The following SOX6 variants were observed in gnomAD, a reference collection of about 807,000 sequenced individuals.
The protein encoded by SOX6 is SRY-box transcription factor 6.
SOX6 carries 11 observed loss-of-function variants against 97.8 expected under a neutral mutation model. The observed-to-expected ratio is 0.11, with a 90% CI of 0.07 to 0.19. SOX6 has a LOEUF of 0.19. Among genes scored for constraint, SOX6 ranks in the 10% least tolerant of loss-of-function variants. The probability of loss-of-function intolerance (pLI) is 1.00; values close to 1 mark genes in which losing one functional copy is unlikely to be tolerated. For missense variants in SOX6, 810 were observed against 1,039.5 expected, an observed-to-expected ratio of 0.78 and a Z score of 3.04; for synonymous variants, 360 against 371.4, an observed-to-expected ratio of 0.97 and a Z score of 0.35.
intron 3 of SOX6, among the ~76,000 whole-genome samples, chr11:16,290,338 A>G (rs534773687): frequency 1.3e-5 from 2 of 152,202 alleles, no homozygotes; most frequent in African/African-American, 4.8e-5. Context: ...TGACACTTTT[A>G]ATAGTAATAT....
intron 3 of SOX6, among the ~76,000 whole-genome samples, chr11:16,251,537 A>C (rs571436608): frequency 1.2e-4 from 18 of 152,300 alleles, no homozygotes; most frequent in Admixed American, 9.2e-4. Context: ...CCTGCAAAAT[A>C]TACATATCAA....
chr11:16,529,902 T>C (rs868639886), intron 4 of SOX6, among the ~76,000 whole-genome samples: 22 of 151,794 alleles, frequency 1.4e-4, no homozygotes, highest in African/African-American at 4.8e-4. Flanking sequence ...TTATGACCTA[T>C]TATTATTATT....
At chr11:16,379,785 C>G (rs1857755761) in intron 1 of SOX6, among the ~76,000 whole-genome samples, 1 of 151,816 alleles carries the variant, frequency 6.6e-6, no homozygotes, top group South Asian at 2.1e-4. Context: ...AAAGATTTAG[C>G]TACAGATGAG....
At chr11:16,550,968 A>G (rs1045953884) in intron 4 of SOX6, among the ~76,000 whole-genome samples, 9 of 152,198 alleles carry the variant, frequency 5.9e-5, no homozygotes, top group African/African-American at 2.2e-4. Context: ...CTGTAATTCC[A>G]GCACTTTGGG....
intron 7 of SOX6, among the ~76,000 whole-genome samples, chr11:16,109,646 TTCTGAGGATGTAATTTCTCTAC>T (rs1312061702): frequency 6.6e-6 from 1 of 152,318 alleles, no homozygotes; most frequent in African/African-American, 2.4e-5. Context: ...TGATTAAGTC[TTCTGAGGATGTAATTTCTCTAC>T]TAATAGCGTA....
chr11:16,108,039 C>A (rs931450197), intron 7 of SOX6, among the ~76,000 whole-genome samples: 4 of 152,208 alleles, frequency 2.6e-5, no homozygotes, highest in African/African-American at 4.8e-5. Context: ...TTAATTTTCA[C>A]GTCCACGTTG....
At position 16,201,973 on chromosome 11, in the gene SOX6, T is replaced by A. The variant is rs1286946854; in HGVS notation, c.536-15018A>T. Among the ~76,000 whole-genome samples, 5 of 152,128 alleles carry A rather than the reference T, an allele frequency of 3.3e-5. No individual in the cohort carries two copies. In the South Asian group the frequency reaches 1.0e-3, roughly 32 times the overall value. The stretch of plus-strand genomic sequence containing the variant: ...AGAGAGATTTTTAATTTAAAATTCA[T>A]AGAAATAATAAATTTATTTTTCATG... On this transcript the variant is annotated intron_variant, in intron 4 of 15. Transcript: ENST00000683767.
intron 7 of SOX6, among the ~76,000 whole-genome samples, chr11:16,109,481 C>A (rs759690032): frequency 6.6e-6 from 1 of 152,106 alleles, no homozygotes; most frequent in African/African-American, 2.4e-5. Flanking sequence ...GGATTACAGG[C>A]ATGAGCCACC....
Position 16,330,489 on chromosome 11 carries a change from G to A in SOX6, c.237+10523C>T, listed in dbSNP as rs116228030. Among the ~76,000 whole-genome samples, 1,415 of 152,220 alleles carry A rather than the reference G, an allele frequency of 9.3e-3. 24 individuals carry two copies. The highest frequency in any genetic ancestry group is 0.032 in the African/African-American group (1,317 of 41,510). The stretch of plus-strand genomic sequence containing the variant: ...GGAGAATCACTTGAACCCAGAAGGC[G>A]GAGGTTCCAGTGAGTCGATATCAAG... On this transcript the variant is annotated intron_variant, in intron 2 of 15. Transcript: ENST00000683767.
intron 4 of SOX6, among the ~76,000 whole-genome samples, chr11:16,542,979 T>C (rs1861430589): frequency 1.3e-5 from 2 of 151,952 alleles, no homozygotes; most frequent in African/African-American, 4.8e-5. Flanking sequence ...TGGTACTTTA[T>C]TTCCAAATCA....
intron 4 of SOX6, among the ~76,000 whole-genome samples, chr11:16,230,868 C>A (rs1157234753): frequency 6.6e-6 from 1 of 151,346 alleles, no homozygotes; most frequent in African/African-American, 2.4e-5. Context: ...TGGAATAGAA[C>A]CAAAATCTGA....
chr11:16,655,112 C>T (rs185069886), intron 3 of SOX6, among the ~76,000 whole-genome samples: 3 of 152,238 alleles, frequency 2.0e-5, no homozygotes, highest in Non-Finnish European at 4.4e-5. Flanking sequence ...CACCCAAAAC[C>T]TCATGGGGAC....
At chr11:16,253,183 A>G (rs1853569253) in intron 3 of SOX6, among the ~76,000 whole-genome samples, 1 of 152,112 alleles carries the variant, frequency 6.6e-6, no homozygotes, top group South Asian at 2.1e-4. Context: ...ACCTGTCTCT[A>G]CTAAATATAC....
intron 3 of SOX6, among the ~76,000 whole-genome samples, chr11:16,249,440 C>T (rs1853442657): frequency 6.6e-6 from 1 of 152,232 alleles, no homozygotes. Flanking sequence ...TCAGCCTGGA[C>T]TTCATTGTCC....
At chr11:16,141,334 C>T (rs953704695) in intron 6 of SOX6, among the ~76,000 whole-genome samples, 3 of 152,084 alleles carry the variant, frequency 2.0e-5, no homozygotes, top group African/African-American at 7.2e-5. Flanking sequence ...GACAAGTTCC[C>T]AGCCCTGACT....
intron 4 of SOX6, among the ~76,000 whole-genome samples, chr11:16,595,235 A>C (rs532164036): frequency 6.6e-6 from 1 of 152,194 alleles, no homozygotes; most frequent in African/African-American, 2.4e-5. Context: ...CAGGATGCCA[A>C]AGCGGTGGTG....
chr11:16,638,994 C>A (rs1848845000), intron 3 of SOX6, among the ~76,000 whole-genome samples: 1 of 152,162 alleles, frequency 6.6e-6, no homozygotes, highest in Non-Finnish European at 1.5e-5. Flanking sequence ...AGTCCTTGCC[C>A]ATGCCTACAT....
chr11:16,122,559 C>A (rs1212929822), intron 6 of SOX6, among the ~76,000 whole-genome samples: 5 of 151,916 alleles, frequency 3.3e-5, no homozygotes, highest in Non-Finnish European at 5.9e-5. Flanking sequence ...ACTTTTGACC[C>A]ACAATGAAGG....
At chr11:16,310,137 C>A (rs1033891692) in intron 3 of SOX6, among the ~76,000 whole-genome samples, 1 of 152,020 alleles carries the variant, frequency 6.6e-6, no homozygotes, top group African/African-American at 2.4e-5. Context: ...GGCAGAGACA[C>A]ACAAATTGAA....
Sources: gnomAD v4.1 joint callset for allele counts (sites outside exome capture counted in the v4.1 genomes callset) on GRCh38, gnomAD v4.1.1 for gene constraint, MANE v1.5 for transcripts, NCBI Gene and HGNC (gene_info 2026-07-23, HGNC 2026-07-21) for gene names.